The following CRCP variants were observed in gnomAD, a reference collection of about 807,000 sequenced individuals.
CRCP encodes CGRP receptor component.
In CRCP, 18 loss-of-function variants were observed where a neutral mutation model predicts 18.5. The observed-to-expected ratio is 0.97, with a 90% CI of 0.67 to 1.44. The LOEUF (loss-of-function observed/expected upper bound fraction) is 1.44, where lower values mean the gene tolerates loss of function less well. CRCP is among the 40% of genes most tolerant of loss of function. The probability of loss-of-function intolerance (pLI) is 0.00; values close to 1 mark genes in which losing one functional copy is unlikely to be tolerated. For synonymous variants in CRCP, 53 were observed against 62.9 expected, an observed-to-expected ratio of 0.84 and a Z score of 0.75; for missense variants, 130 against 176.4, an observed-to-expected ratio of 0.74 and a Z score of 1.49.
intron 1 of CRCP, chr7:66,119,648 A>G (rs1272324397): frequency 6.6e-6 from 1 of 152,190 alleles, no homozygotes; most frequent in African/African-American, 2.4e-5. Context: ...GTAGAGAGAA[A>G]ACCCCACACA....
chr7:66,122,006 C>T (rs1787456423), intron 1 of CRCP, among the ~76,000 whole-genome samples: 1 of 152,142 alleles, frequency 6.6e-6, no homozygotes. Flanking sequence ...GACTTGATAG[C>T]ATAGGTTGGG....
chr7:66,122,497 AGTT>A (rs1340819887), intron 1 of CRCP, among the ~76,000 whole-genome samples: 1 of 152,074 alleles, frequency 6.6e-6, no homozygotes, highest in Non-Finnish European at 1.5e-5. Context: ...TTCCTCAAGT[AGTT>A]GTTTACATCC....
intron 4 of CRCP, among the ~76,000 whole-genome samples, chr7:66,142,370 T>A (rs1788166123): frequency 6.6e-6 from 1 of 152,224 alleles, no homozygotes; most frequent in African/African-American, 2.4e-5. Context: ...TACTTCTGTG[T>A]TATCAAGAGG....
At position 66,134,259 on chromosome 7, in the gene CRCP, CTTTTTT is replaced by C; in HGVS notation, c.145-11_145-6del. 6.5e-6 allele frequency: 9 copies of C among 1,386,524 alleles called. No homozygotes were observed. Among genetic ancestry groups the C allele is most frequent in the East Asian group, 2.4e-5 (1 of 41,998 alleles). 85.9% of individuals were successfully genotyped at this position (1,386,524 alleles called of 1,614,324 possible). Reference sequence around the variant, plus strand: ...TCTTTGTCTTATGCTTGGCTTTTTTCTTTTTTTTTTTTTTTGCCAGACGTTAAAATA... The same window carrying C: ...TCTTTGTCTTATGCTTGGCTTTTTTCTTTTTTTTTGCCAGACGTTAAAATA... On this transcript the variant is annotated splice_polypyrimidine_tract_variant and intron_variant, in intron 3 of 5. Transcript: ENST00000395326.
In CRCP at chr7:66,137,082, A is replaced by G. The variant is rs1584086291; in HGVS notation, c.239+2708A>G. Among the ~76,000 whole-genome samples, 6 of 152,144 alleles carry G rather than the reference A, an allele frequency of 3.9e-5. No individual in the cohort carries two copies. In the South Asian group the frequency reaches 1.2e-3, roughly 32 times the overall value. On this transcript the variant is annotated intron_variant, in intron 4 of 5. Transcript: ENST00000395326. ...GCGACAGAGCGAGACTGTCTCAAAA[A>G]AAAATTTAATAATAATAATAATTTA...
intron 3 of CRCP, among the ~76,000 whole-genome samples, chr7:66,133,444 C>T (rs1453294828): frequency 6.6e-6 from 1 of 151,216 alleles, no homozygotes; most frequent in Non-Finnish European, 1.5e-5. Flanking sequence ...GGAGGCGGAG[C>T]TTGCAGTGAG....
chr7:66,133,642 G>T (rs1465307177), intron 3 of CRCP, among the ~76,000 whole-genome samples: 1 of 149,822 alleles, frequency 6.7e-6, no homozygotes, highest in Non-Finnish European at 1.5e-5. Flanking sequence ...TATTCTTTGG[G>T]TTCCCCCTCT....
At chr7:66,122,231 C>T (rs565186202) in intron 1 of CRCP, among the ~76,000 whole-genome samples, 45 of 152,046 alleles carry the variant, frequency 3.0e-4, no homozygotes, top group Admixed American at 3.3e-4. Context: ...AAAAATTAGC[C>T]GGGCGTGGTG....
chr7:66,139,758 G>A (rs570735879), intron 4 of CRCP, among the ~76,000 whole-genome samples: 50 of 152,338 alleles, frequency 3.3e-4, no homozygotes, highest in Non-Finnish European at 6.6e-4. Context: ...TCTTTGCTGT[G>A]CTGGGTCTGT....
chr7:66,123,932 C>T (rs13308751), intron 1 of CRCP, among the ~76,000 whole-genome samples: 1 of 148,614 alleles, frequency 6.7e-6, no homozygotes, highest in Non-Finnish European at 1.5e-5. Flanking sequence ...GTAGTCCCAG[C>T]TACTCCAGAG....
chr7:66,133,858 CTT>C lies in CRCP; in HGVS notation c.145-405_145-404del, dbSNP rs751345422. 1.8e-3 allele frequency among the ~76,000 whole-genome samples: 177 copies of C among 96,690 alleles called. 1 individual carries two copies. Among genetic ancestry groups the C allele is most frequent in the East Asian group, 3.1e-3 (11 of 3,514 alleles). The allele number at this position is 96,690 out of a possible 152,430, so 63.4% of individuals were successfully genotyped here. On this transcript the variant is annotated intron_variant, in intron 3 of 5. Transcript: ENST00000395326. ...CAGGATTTTTTTTCTTTTTTGTTTT[CTT>C]TTTTTTTTTTTTTTTTGAGACAGAG...
chr7:66,133,003 C>A (rs1356639001), intron 3 of CRCP, among the ~76,000 whole-genome samples: 1 of 152,056 alleles, frequency 6.6e-6, no homozygotes, highest in Non-Finnish European at 1.5e-5. Context: ...TAAGCTTCAC[C>A]TCTTGAAGGG....
chr7:66,115,644 T>A (rs1311735759), intron 1 of CRCP, among the ~76,000 whole-genome samples: 2 of 152,162 alleles, frequency 1.3e-5, no homozygotes, highest in Non-Finnish European at 2.9e-5. Flanking sequence ...ATGGAAGATT[T>A]TGCATCTACT....
chr7:66,147,640 G>A (rs181058666), intron 5 of CRCP, among the ~76,000 whole-genome samples: 2 of 152,312 alleles, frequency 1.3e-5, no homozygotes, highest in East Asian at 3.9e-4. Flanking sequence ...GGTAGAAACT[G>A]CTGTTTCTCA....
chr7:66,121,462 A>ATTT (rs879336268), intron 1 of CRCP, among the ~76,000 whole-genome samples: 1 of 143,248 alleles, frequency 7.0e-6, no homozygotes, highest in Non-Finnish European at 1.5e-5. Flanking sequence ...AAAGCATACA[A>ATTT]TTTTTTTTTT....
chr7:66,140,183 C>A (rs570602202), intron 4 of CRCP, among the ~76,000 whole-genome samples: 11 of 152,290 alleles, frequency 7.2e-5, no homozygotes, highest in African/African-American at 2.6e-4. Flanking sequence ...TTGGATTTCT[C>A]CTGGAGTTGG....
chr7:66,119,912 G>A (rs915582646), intron 1 of CRCP, among the ~76,000 whole-genome samples: 1 of 151,964 alleles, frequency 6.6e-6, no homozygotes, highest in Non-Finnish European at 1.5e-5. Flanking sequence ...TTTGCAGCCC[G>A]GTGCTCATGC....
At chr7:66,118,758 A>G (rs1441396673) in intron 1 of CRCP, among the ~76,000 whole-genome samples, 1 of 152,180 alleles carries the variant, frequency 6.6e-6, no homozygotes, top group African/African-American at 2.4e-5. Context: ...CTGGCTCATA[A>G]CTACCATAGC....
At chr7:66,149,452 G>C (rs1447805627) in intron 5 of CRCP, among the ~76,000 whole-genome samples, 1 of 152,184 alleles carries the variant, frequency 6.6e-6, no homozygotes, top group Non-Finnish European at 1.5e-5. Flanking sequence ...CCAGGAGTTT[G>C]AGACTGCAGT....
Sources: allele counts gnomAD v4.1 joint callset (sites outside exome capture counted in the v4.1 genomes callset), GRCh38; gene constraint gnomAD v4.1.1; transcripts MANE v1.5; gene names NCBI Gene and HGNC (gene_info 2026-07-23, HGNC 2026-07-21).